Variants in CEP70 observed in about 807,000 individuals in gnomAD.
CEP70 encodes the protein centrosomal protein 70, also known as centrosomal protein of 70 kDa.
A neutral mutation model predicts 90.9 loss-of-function variants in CEP70; 70 were observed. That is an observed-to-expected ratio of 0.77 (90% confidence interval 0.64 to 0.94). The LOEUF (loss-of-function observed/expected upper bound fraction) is 0.94. Ranked by LOEUF, CEP70 falls within the 40% of genes least tolerant of loss-of-function variation. The pLI, the probability that CEP70 is intolerant of heterozygous loss-of-function variation, is 0.00. For missense variants in CEP70, 648 were observed against 669.0 expected, an observed-to-expected ratio of 0.97 and a Z score of 0.35; for synonymous variants, 220 against 228.3, an observed-to-expected ratio of 0.96 and a Z score of 0.33.
intron 17 of CEP70, chr3:138,496,515 T>G (rs980758219): frequency 8.4e-5 from 83 of 985,298 alleles, no homozygotes; most frequent in Non-Finnish European, 9.9e-5. Flanking sequence ...TGTTTTCTCA[T>G]TAAGTGAGAA....
chr3:138,518,227 G>A (rs1481062720), intron 11 of CEP70, among the ~76,000 whole-genome samples: 1 of 152,212 alleles, frequency 6.6e-6, no homozygotes, highest in Non-Finnish European at 1.5e-5. Context: ...AAGGAAGCCT[G>A]CCTGTCTCTG....
chr3:138,579,132 AG>A (rs747186669), intron 2 of CEP70, among the ~76,000 whole-genome samples: 10 of 152,218 alleles, frequency 6.6e-5, no homozygotes, highest in Non-Finnish European at 1.5e-4. Context: ...CAACAACACC[AG>A]GAAGAATTCA....
At chr3:138,513,046 C>G (rs2035672044) in intron 11 of CEP70, among the ~76,000 whole-genome samples, 1 of 152,210 alleles carries the variant, frequency 6.6e-6, no homozygotes. Context: ...GCAAGTGTTT[C>G]TCTAGGTGAA....
intron 6 of CEP70, among the ~76,000 whole-genome samples, chr3:138,552,321 TA>T (rs1387099980): frequency 6.6e-6 from 1 of 152,072 alleles, no homozygotes; most frequent in Non-Finnish European, 1.5e-5. Context: ...CCGGAACAAA[TA>T]AACTTAACAG....
chr3:138,545,720 T>G (rs974940548), intron 6 of CEP70, among the ~76,000 whole-genome samples: 2 of 152,148 alleles, frequency 1.3e-5, no homozygotes, highest in Admixed American at 6.6e-5. Flanking sequence ...GGGGAAGGAA[T>G]GCATTCCTGA....
intron 6 of CEP70, among the ~76,000 whole-genome samples, chr3:138,548,391 T>C (rs1360533379): frequency 1.3e-5 from 2 of 152,226 alleles, no homozygotes; most frequent in Non-Finnish European, 2.9e-5. Flanking sequence ...CACAGCACCT[T>C]CCTCCAAAGA....
At chr3:138,512,629 A>G (rs2035631919) in intron 11 of CEP70, among the ~76,000 whole-genome samples, 1 of 152,190 alleles carries the variant, frequency 6.6e-6, no homozygotes, top group Admixed American at 6.5e-5. Flanking sequence ...ATTCAACAGC[A>G]GCAACTATGT....
intron 2 of CEP70, among the ~76,000 whole-genome samples, chr3:138,578,727 T>C (rs776204081): frequency 1.3e-5 from 2 of 152,232 alleles, no homozygotes; most frequent in South Asian, 2.1e-4. Context: ...TCAACCATTA[T>C]AAAAGTTCAG....
intron 6 of CEP70, among the ~76,000 whole-genome samples, chr3:138,556,520 T>C (rs2040015106): frequency 1.2e-5 from 1 of 86,226 alleles, no homozygotes; most frequent in East Asian, 4.1e-4. Context: ...AGAGTGAGAC[T>C]CTGTCTCAAA....
intron 11 of CEP70, among the ~76,000 whole-genome samples, chr3:138,516,743 G>A (rs972168736): frequency 1.3e-5 from 2 of 152,180 alleles, no homozygotes; most frequent in Non-Finnish European, 2.9e-5. Flanking sequence ...GCCTGTCACT[G>A]TGTTATGTGT....
chr3:138,507,715 A>G (rs1032963372), intron 12 of CEP70, among the ~76,000 whole-genome samples: 2 of 152,322 alleles, frequency 1.3e-5, no homozygotes, highest in Non-Finnish European at 2.9e-5. Context: ...CGTAAGGATG[A>G]ATAGGGACTG....
At chr3:138,575,876 A>C (rs866982483) in intron 2 of CEP70, among the ~76,000 whole-genome samples, 8 of 152,316 alleles carry the variant, frequency 5.3e-5, no homozygotes, top group African/African-American at 1.7e-4. Flanking sequence ...AGGAGAAATA[A>C]AATCCTTTAC....
At chr3:138,526,163 GTTTT>G (rs1446794852) in intron 10 of CEP70, among the ~76,000 whole-genome samples, 1 of 151,838 alleles carries the variant, frequency 6.6e-6, no homozygotes, top group Non-Finnish European at 1.5e-5. Flanking sequence ...TTTTCTTGTT[GTTTT>G]TTGTTTTTTT....
At chr3:138,520,990 G>A (rs1454263122) in intron 11 of CEP70, among the ~76,000 whole-genome samples, 1 of 152,074 alleles carries the variant, frequency 6.6e-6, no homozygotes, top group East Asian at 1.9e-4. Context: ...TGTATTTTTT[G>A]GTGGAGACGG....
chr3:138,508,098 A>C (rs954908502), intron 12 of CEP70, among the ~76,000 whole-genome samples: 2 of 152,196 alleles, frequency 1.3e-5, no homozygotes, highest in Non-Finnish European at 2.9e-5. Flanking sequence ...AAGGACCCTA[A>C]GAAAATAGAT....
intron 6 of CEP70, among the ~76,000 whole-genome samples, chr3:138,547,891 C>G (rs559656165): frequency 5.5e-4 from 83 of 152,262 alleles, no homozygotes; most frequent in African/African-American, 1.9e-3. Context: ...CTATTTATTT[C>G]TGGAATTTTC....
At chr3:138,528,856 G>A (rs1013655659) in intron 10 of CEP70, among the ~76,000 whole-genome samples, 3 of 152,106 alleles carry the variant, frequency 2.0e-5, no homozygotes, top group Admixed American at 6.6e-5. Context: ...GCCAGCCGTC[G>A]TGGTGTGCAC....
intron 6 of CEP70, among the ~76,000 whole-genome samples, chr3:138,563,214 C>T (rs1456893874): frequency 6.6e-6 from 1 of 152,050 alleles, no homozygotes; most frequent in Non-Finnish European, 1.5e-5. Flanking sequence ...TTCTTAGAGA[C>T]CTACAAAGAG....
At chr3:138,520,998 C>T (rs902491178) in intron 11 of CEP70, among the ~76,000 whole-genome samples, 2 of 152,124 alleles carry the variant, frequency 1.3e-5, no homozygotes, top group East Asian at 1.9e-4. Context: ...TTGGTGGAGA[C>T]GGGGTTTCGC....
Sources: allele counts gnomAD v4.1 joint callset (sites outside exome capture counted in the v4.1 genomes callset), GRCh38; gene constraint gnomAD v4.1.1; transcripts MANE v1.5; gene names NCBI Gene and HGNC (gene_info 2026-07-23, HGNC 2026-07-21).